MBTPS1: variants seen among roughly 807,000 people sequenced by gnomAD.
The protein encoded by MBTPS1 is membrane bound transcription factor peptidase, site 1, also known as membrane-bound transcription factor site-1 protease.
Under a neutral mutation model 127.8 loss-of-function variants are expected in MBTPS1, and 94 were observed. The observed-to-expected ratio is 0.74, with a 90% confidence interval of 0.62 to 0.87. The LOEUF is 0.87. Ranked by LOEUF, MBTPS1 falls within the 40% of genes least tolerant of loss-of-function variation. The pLI is 0.00. For missense variants in MBTPS1, 1,636 were observed against 1,353.2 expected, an observed-to-expected ratio of 1.21 and a Z score of -3.28; for synonymous variants, 632 against 509.4, an observed-to-expected ratio of 1.24 and a Z score of -3.24.
chr16:84,105,026 C>T (rs1037237338), intron 1 of MBTPS1, among the ~76,000 whole-genome samples: 1 of 151,610 alleles, frequency 6.6e-6, no homozygotes, highest in Non-Finnish European at 1.5e-5. Flanking sequence ...CGTTTGAACC[C>T]AGGAGGCAGA....
At chr16:84,070,833 G>A (rs537163900) in intron 12 of MBTPS1, 57 bp from the exon 13 acceptor site, 10 of 1,383,594 alleles carry the variant, frequency 7.2e-6, no homozygotes, top group South Asian at 1.3e-5. Flanking sequence ...GAGAAAACAC[G>A]TGGAAACCAG....
At position 84,054,306 on chromosome 16, in the gene MBTPS1, G is replaced by A; in HGVS notation, c.*143C>T. 2 of 620,836 alleles carry A rather than the reference G, an allele frequency of 3.2e-6. No homozygotes were observed. Among genetic ancestry groups the A allele is most frequent in the South Asian group, 2.7e-5 (1 of 36,936 alleles). 38.5% of individuals were successfully genotyped at this position (620,836 alleles called of 1,614,324 possible). A position where few individuals can be genotyped will look rare whatever the true frequency, so the allele number is the denominator to read the frequency against. On this transcript the variant is annotated 3_prime_UTR_variant, in exon 23 of 23. Transcript: ENST00000343411. ...AGGAGCCTCTGCCCATCACAGGAGG[G>A]CAGGCCCATGTAGAACAGACTCTAA... is the stretch of plus-strand genomic sequence containing the variant.
At chr16:84,074,215 G>A (rs929589890) in intron 12 of MBTPS1, among the ~76,000 whole-genome samples, 1 of 151,548 alleles carries the variant, frequency 6.6e-6, no homozygotes, top group Non-Finnish European at 1.5e-5. Context: ...AATAGCCCTG[G>A]TACCCTAGAC....
At position 84,065,183 on chromosome 16, in the gene MBTPS1, T is replaced by A. The variant is rs370636543; in HGVS notation, c.2431+507A>T. On this transcript the variant is annotated intron_variant, in intron 18 of 22. Coordinates refer to ENST00000343411, the MANE Select transcript of MBTPS1 (RefSeq NM_003791.4). ...CCCAGGCTGGAGTGCAGTGGCATGATCTTGGGTAACTGCAACCTCTGCCTC... is the reference window on the plus strand; with the variant it reads ...CCCAGGCTGGAGTGCAGTGGCATGAACTTGGGTAACTGCAACCTCTGCCTC... Among the ~76,000 whole-genome samples the A allele has an allele frequency of 7.3e-5, 11 of 151,516 alleles. No homozygotes were observed. In the East Asian group the frequency reaches 2.1e-3, roughly 29 times the overall value.
Position 84,068,301 on chromosome 16 carries a change from C to G in MBTPS1, c.2071+38G>C. 2.3e-6 allele frequency: 3 copies of G among 1,333,238 alleles called. No homozygotes were observed. In the South Asian group the frequency reaches 3.5e-5, roughly 16 times the overall value. The allele number at this position is 1,333,238 out of a possible 1,614,324, so 82.6% of individuals were successfully genotyped here. A position where few individuals can be genotyped will look rare whatever the true frequency, so the allele number is the denominator to read the frequency against. On this transcript the variant is annotated intron_variant, in intron 15 of 22. Coordinates refer to ENST00000343411, the MANE Select transcript of MBTPS1 (RefSeq NM_003791.4). ...ACATTTAACAAACATCCAAAGTGGG[C>G]GGAAAGACCATCTGGCTAGCACAGC...
chr16:84,078,418 C>G (rs1318545871), intron 11 of MBTPS1, among the ~76,000 whole-genome samples: 1 of 82,324 alleles, frequency 1.2e-5, no homozygotes, highest in Non-Finnish European at 2.4e-5. Context: ...CAGAGCTACC[C>G]GATGCTCTCA....
chr16:84,095,773 A>C lies in MBTPS1; in HGVS notation c.454T>G (p.Trp152Gly). ...DPTVPCNETR[W>G]SQKWQSSRPL... ...CGTGATGATTGCCACTTCTGGCTCCACCGGGTTTCATTGCAGGGTACTGTG... is the reference window on the plus strand; with the variant it reads ...CGTGATGATTGCCACTTCTGGCTCCCCCGGGTTTCATTGCAGGGTACTGTG... The change falls in exon 4 of 23, where the codon TGG becomes GGG. Residue 152 changes from tryptophan (W) to glycine (G), a missense_variant. By Grantham distance (184) the Trp-to-Gly change is radical. Transcript: ENST00000343411. 1 of 1,614,016 alleles carries C rather than the reference A, an allele frequency of 6.2e-7. No homozygotes were observed. Among genetic ancestry groups the C allele is most frequent in the African/African-American group, 1.3e-5 (1 of 75,040 alleles).
chr16:84,107,864 G>C (rs1384026163), intron 1 of MBTPS1, among the ~76,000 whole-genome samples: 2 of 131,920 alleles, frequency 1.5e-5, no homozygotes, highest in South Asian at 2.7e-4. Context: ...ACTATGTCCA[G>C]CTAATTTTTT....
chr16:84,081,828 AC>A lies in MBTPS1; in HGVS notation c.1366del (p.Val456SerfsTer29). 1 of 1,530,166 alleles carries A rather than the reference AC, an allele frequency of 6.5e-7. No individual in the cohort carries two copies. Among genetic ancestry groups the A allele is most frequent in the Non-Finnish European group, 8.8e-7 (1 of 1,137,724 alleles). 94.8% of individuals were successfully genotyped at this position (1,530,166 alleles called of 1,614,324 possible). ...GCCGTGGCCTTGCTCAAACATGTTGACCCCGGGGAGCCTCCGGGCTGACGCG... is the reference window on the plus strand; with the variant it reads ...GCCGTGGCCTTGCTCAAACATGTTGACCCGGGGAGCCTCCGGGCTGACGCG... ...LIASARRLPGVNMFEQGHGKL... is the reference protein window; with the variant it reads ...LIASARRLPGXNMFEQGHGKL... On this transcript the variant is annotated frameshift_variant, in exon 11 of 23. Coordinates refer to ENST00000343411, the MANE Select transcript of MBTPS1 (RefSeq NM_003791.4). LOFTEE classifies it high-confidence loss of function.
intron 6 of MBTPS1, among the ~76,000 whole-genome samples, chr16:84,092,306 C>T (rs543699062): frequency 1.1e-4 from 17 of 152,310 alleles, no homozygotes; most frequent in African/African-American, 4.1e-4. Flanking sequence ...CAGTATTAGT[C>T]TTCTGATGTT....
intron 8 of MBTPS1, among the ~76,000 whole-genome samples, chr16:84,089,601 TCTGA>T (rs2086075695): frequency 6.6e-6 from 1 of 152,252 alleles, no homozygotes; most frequent in Non-Finnish European, 1.5e-5. Flanking sequence ...CCCCCTGCTG[TCTGA>T]TTTCAGTCTC....
intron 3 of MBTPS1, among the ~76,000 whole-genome samples, chr16:84,097,579 C>G (rs2086193721): frequency 6.6e-6 from 1 of 152,162 alleles, no homozygotes; most frequent in Admixed American, 6.5e-5. Context: ...TAAAATTAGG[C>G]AACTCCGTGT....
chr16:84,079,087 G>T (rs904278907), intron 11 of MBTPS1, among the ~76,000 whole-genome samples: 3 of 152,188 alleles, frequency 2.0e-5, no homozygotes, highest in Non-Finnish European at 4.4e-5. Flanking sequence ...ACTCAGCTCA[G>T]GCAAGATCTG....
intron 21 of MBTPS1, chr16:84,056,444 CG>C (rs1203844680): frequency 1.4e-4 from 33 of 235,568 alleles, no homozygotes; most frequent in Non-Finnish European, 2.5e-4. Flanking sequence ...ACACTCCAAG[CG>C]AGGCCCTGGA....
chr16:84,079,410 A>C (rs1409008458), intron 11 of MBTPS1, among the ~76,000 whole-genome samples: 1 of 152,256 alleles, frequency 6.6e-6, no homozygotes, highest in East Asian at 1.9e-4. Flanking sequence ...AAATCTAAAA[A>C]GGAATACAAA....
intron 1 of MBTPS1, among the ~76,000 whole-genome samples, chr16:84,104,462 C>G (rs2151170794): frequency 6.6e-6 from 1 of 152,090 alleles, no homozygotes; most frequent in East Asian, 1.9e-4. Flanking sequence ...GACTCTCTCT[C>G]CACTTAAAAA....
intron 14 of MBTPS1, 109 bp from the exon 15 acceptor site, chr16:84,068,563 G>C: frequency 1.3e-6 from 1 of 755,684 alleles, no homozygotes; most frequent in Non-Finnish European, 2.3e-6. Context: ...GGCCCACAGA[G>C]AAGGCCTGGA....
chr16:84,065,566 A>C, intron 18 of MBTPS1, 124 bp downstream of exon 18: 1 of 707,070 alleles, frequency 1.4e-6, no homozygotes, highest in South Asian at 1.6e-5. Context: ...CTGTTATGGT[A>C]TGTAAATTAT....
chr16:84,106,244 G>A (rs941029269), intron 1 of MBTPS1, among the ~76,000 whole-genome samples: 1 of 152,142 alleles, frequency 6.6e-6, no homozygotes, highest in African/African-American at 2.4e-5. Context: ...GCAGTGAGTT[G>A]AGATCGTGCC....
Sources: gnomAD v4.1 joint callset for allele counts (sites outside exome capture counted in the v4.1 genomes callset) on GRCh38, gnomAD v4.1.1 for gene constraint, MANE v1.5 for transcripts, NCBI Gene and HGNC (gene_info 2026-07-23, HGNC 2026-07-21) for gene names.